CDKAL1: variants seen among roughly 807,000 people sequenced by gnomAD.
CDKAL1 encodes threonylcarbamoyladenosine tRNA methylthiotransferase.
Under a neutral mutation model 68.2 loss-of-function variants are expected in CDKAL1, and 32 were observed. The observed-to-expected ratio is 0.47, with a 90% CI of 0.35 to 0.63. The LOEUF (loss-of-function observed/expected upper bound fraction) is 0.63. CDKAL1 is among the 30% of genes least tolerant of loss of function. The probability of loss-of-function intolerance (pLI) is 0.00; values close to 1 mark genes in which losing one functional copy is unlikely to be tolerated. For missense variants in CDKAL1, 606 were observed against 696.7 expected, an observed-to-expected ratio of 0.87 and a Z score of 1.47; for synonymous variants, 234 against 244.3, an observed-to-expected ratio of 0.96 and a Z score of 0.39.
intron 9 of CDKAL1, among the ~76,000 whole-genome samples, chr6:20,859,761 G>T (rs1759516966): frequency 6.6e-6 from 1 of 152,178 alleles, no homozygotes; most frequent in African/African-American, 2.4e-5. Flanking sequence ...GAGGAATACG[G>T]TTCAACTTTT....
chr6:20,867,609 C>G (rs542946007), intron 9 of CDKAL1, among the ~76,000 whole-genome samples: 26 of 152,276 alleles, frequency 1.7e-4, no homozygotes, highest in African/African-American at 6.0e-4. Flanking sequence ...AGGCCAATTT[C>G]AGAACCAGTG....
chr6:20,913,299 C>A (rs1762559111), intron 9 of CDKAL1, among the ~76,000 whole-genome samples: 1 of 152,164 alleles, frequency 6.6e-6, no homozygotes, highest in Non-Finnish European at 1.5e-5. Flanking sequence ...TCACATGGGG[C>A]AGGATCTGCT....
At chr6:20,752,012 T>G (rs989636757) in intron 6 of CDKAL1, among the ~76,000 whole-genome samples, 1 of 152,080 alleles carries the variant, frequency 6.6e-6, no homozygotes, top group African/African-American at 2.4e-5. Context: ...TTGTTTTTTC[T>G]TCTTTCTCTG....
chr6:20,793,804 A>T (rs911745537), intron 8 of CDKAL1, among the ~76,000 whole-genome samples: 22 of 145,256 alleles, frequency 1.5e-4, no homozygotes, highest in Admixed American at 6.2e-4. Context: ...GATATATATT[A>T]TATATATATA....
rs371641076 is a variant in CDKAL1 at position 20,743,397 on chromosome 6, C to T, written c.468+3782C>T. Among the ~76,000 whole-genome samples the T allele has an allele frequency of 6.6e-5, 10 of 152,244 alleles. No individual in the cohort carries two copies. The East Asian group carries it at 1.2e-3, about 18-fold the overall frequency. On this transcript the variant is annotated intron_variant, in intron 6 of 15. Transcript: ENST00000274695. ...AGGTGGGGATCATTGGGTGAGCAAGCTGCTTATTGTACATCTGAGTTAAAG... is the reference window on the plus strand; with the variant it reads ...AGGTGGGGATCATTGGGTGAGCAAGTTGCTTATTGTACATCTGAGTTAAAG...
intron 7 of CDKAL1, among the ~76,000 whole-genome samples, chr6:20,768,432 C>G (rs962740221): frequency 6.6e-6 from 1 of 152,168 alleles, no homozygotes; most frequent in African/African-American, 2.4e-5. Flanking sequence ...ATGTGACTAG[C>G]CTTTATCTCG....
rs546017003 is a variant in CDKAL1 at position 21,190,791 on chromosome 6, A to G, written c.1300-7230A>G. Among the ~76,000 whole-genome samples, 76 of 152,360 alleles carry G rather than the reference A, an allele frequency of 5.0e-4. 2 individuals are homozygous for G. Among genetic ancestry groups the G allele is most frequent in the African/African-American group, 1.7e-3 (69 of 41,588 alleles). On this transcript the variant is annotated intron_variant, in intron 13 of 15. Coordinates refer to ENST00000274695, the MANE Select transcript of CDKAL1 (RefSeq NM_017774.3). ...CACCATTTTCAAGAAACAAATGTCT[A>G]TCTTACACAGGTCCATATATCTACG...
At chr6:20,849,636 C>T (rs559177468) in intron 9 of CDKAL1, among the ~76,000 whole-genome samples, 1 of 151,394 alleles carries the variant, frequency 6.6e-6, no homozygotes, top group Non-Finnish European at 1.5e-5. Flanking sequence ...AAACTAAAAT[C>T]CGAAGCCAGG....
chr6:20,737,861 A>G (rs182136159), intron 5 of CDKAL1, among the ~76,000 whole-genome samples: 26 of 152,306 alleles, frequency 1.7e-4, no homozygotes, highest in Middle Eastern at 3.4e-3. Flanking sequence ...TTAAAATAGT[A>G]TTTTGTACTC....
chr6:20,912,232 T>G (rs1388873805), intron 9 of CDKAL1, among the ~76,000 whole-genome samples: 2 of 152,210 alleles, frequency 1.3e-5, no homozygotes, highest in East Asian at 1.9e-4. Flanking sequence ...CCTCCTCAGC[T>G]TTCTTTTTAG....
At position 20,755,877 on chromosome 6, in the gene CDKAL1, A is replaced by G. The variant is rs995791259; in HGVS notation, c.469-2718A>G. On this transcript the variant is annotated intron_variant, in intron 6 of 15. Coordinates refer to ENST00000274695, the MANE Select transcript of CDKAL1 (RefSeq NM_017774.3). The stretch of plus-strand genomic sequence containing the variant: ...CTGTCTCTTGTTGTCTGTAATAGGT[A>G]TTTGAAAACATTCATTCTGTTATTT... Among the ~76,000 whole-genome samples the G allele has an allele frequency of 3.3e-5, 5 of 152,180 alleles. 1 individual carries two copies. Among genetic ancestry groups the G allele is most frequent in the Admixed American group, 2.0e-4 (3 of 15,276 alleles).
At chr6:20,883,790 GT>G (rs574808701) in intron 9 of CDKAL1, among the ~76,000 whole-genome samples, 32 of 152,232 alleles carry the variant, frequency 2.1e-4, no homozygotes, top group African/African-American at 7.5e-4. Context: ...TATTTAAAAT[GT>G]TTTACAATAA....
At chr6:20,697,442 C>T (rs10946401) in intron 5 of CDKAL1, among the ~76,000 whole-genome samples, 7,190 of 151,934 alleles carry the variant, frequency 0.047, 562 homozygotes, top group African/African-American at 0.16. Context: ...AAAGAGAAGG[C>T]CACTTTTTTT....
At position 20,916,494 on chromosome 6, in the gene CDKAL1, C is replaced by T. The variant is rs144519487; in HGVS notation, c.743-38925C>T. 3.2e-3 allele frequency among the ~76,000 whole-genome samples: 487 copies of T among 152,122 alleles called. 4 individuals are homozygous for T. In the East Asian group the frequency reaches 0.043, roughly 13 times the overall value. ...AAATAACAAGAGTATAGCACTGAAG[C>T]GGGACTGAACACTGGGGGTGCAGGT... On this transcript the variant is annotated intron_variant, in intron 9 of 15. Transcript: ENST00000274695.
At chr6:20,540,117 G>C (rs12199073) in intron 2 of CDKAL1, among the ~76,000 whole-genome samples, 1 of 144,008 alleles carries the variant, frequency 6.9e-6, no homozygotes, top group Admixed American at 7.1e-5. Context: ...TCTGTTGGCC[G>C]GGCTGGAGTG....
At chr6:20,676,726 C>A (rs959239889) in intron 5 of CDKAL1, among the ~76,000 whole-genome samples, 1 of 149,912 alleles carries the variant, frequency 6.7e-6, no homozygotes, top group South Asian at 2.1e-4. Flanking sequence ...ATAAAAAAGT[C>A]TTTTATGCTG....
intron 5 of CDKAL1, among the ~76,000 whole-genome samples, chr6:20,702,935 T>C (rs1034541502): frequency 1.3e-5 from 2 of 152,196 alleles, no homozygotes; most frequent in Admixed American, 1.3e-4. Context: ...AGCACTCCCG[T>C]ATCACTAGGG....
intron 9 of CDKAL1, among the ~76,000 whole-genome samples, chr6:20,923,818 C>G (rs1429022405): frequency 6.6e-6 from 1 of 152,124 alleles, no homozygotes; most frequent in Non-Finnish European, 1.5e-5. Flanking sequence ...TCAAGACTAG[C>G]CTGGGCAACA....
intron 7 of CDKAL1, among the ~76,000 whole-genome samples, chr6:20,760,002 T>A (rs1323533000): frequency 6.6e-6 from 1 of 152,190 alleles, no homozygotes; most frequent in Non-Finnish European, 1.5e-5. Flanking sequence ...TGTCTACTAC[T>A]TTCCACATGC....
Sources: gnomAD v4.1 joint callset for allele counts (sites outside exome capture counted in the v4.1 genomes callset) on GRCh38, gnomAD v4.1.1 for gene constraint, MANE v1.5 for transcripts, NCBI Gene and HGNC (gene_info 2026-07-23, HGNC 2026-07-21) for gene names.